Variants in ANKRD36C observed in about 807,000 individuals in gnomAD.
ANKRD36C encodes ankyrin repeat domain 36C, also known as ankyrin repeat domain-containing protein 36C.
A neutral mutation model predicts 276.4 loss-of-function variants in ANKRD36C; 61 were observed. That is an observed-to-expected ratio of 0.22 (90% CI 0.18 to 0.27). ANKRD36C has a LOEUF of 0.27. Ranked by LOEUF, ANKRD36C falls within the 10% of genes least tolerant of loss-of-function variation. The probability of loss-of-function intolerance (pLI) is 1.00; values close to 1 mark genes in which losing one functional copy is unlikely to be tolerated. For synonymous variants in ANKRD36C, 483 were observed against 680.1 expected, an observed-to-expected ratio of 0.71 and a Z score of 4.51; for missense variants, 1,447 against 2,032.3, an observed-to-expected ratio of 0.71 and a Z score of 5.54.
intron 17 of ANKRD36C, among the ~76,000 whole-genome samples, chr2:95,947,935 A>T (rs939876041): frequency 2.6e-5 from 4 of 152,168 alleles, no homozygotes; most frequent in Non-Finnish European, 5.9e-5. Flanking sequence ...CTACAGGCAC[A>T]TGATACCATG....
chr2:95,957,073 T>C (rs1373708716), intron 12 of ANKRD36C, among the ~76,000 whole-genome samples: 1 of 151,882 alleles, frequency 6.6e-6, no homozygotes, highest in East Asian at 1.9e-4. Flanking sequence ...CCCAGCACTT[T>C]GTGAGGCTGA....
At chr2:95,912,356 T>C (rs745571467) in intron 41 of ANKRD36C, 40 bp from the exon 44 acceptor site, 10 of 1,602,298 alleles carry the variant, frequency 6.2e-6, no homozygotes, top group Middle Eastern at 2.3e-4. Context: ...TAAGGTATGT[T>C]TCATAGGCTT....
chr2:95,981,204 G>C (rs867193881), intron 4 of ANKRD36C, among the ~76,000 whole-genome samples: 8 of 151,674 alleles, frequency 5.3e-5, no homozygotes, highest in Non-Finnish European at 1.0e-4. Flanking sequence ...AATGCTAATA[G>C]TAGTAGTCGT....
At chr2:95,914,054 G>C in intron 40 of ANKRD36C, 54 bp downstream of exon 42, 1 of 1,489,272 alleles carries the variant, frequency 6.7e-7, no homozygotes. Context: ...TCAGGGAAGA[G>C]AATTTCTTAT....
intron 54 of ANKRD36C, among the ~76,000 whole-genome samples, chr2:95,883,721 CT>C (rs1421904010): frequency 1.3e-5 from 2 of 152,010 alleles, no homozygotes; most frequent in Non-Finnish European, 2.9e-5. Flanking sequence ...ATCCCTCTTC[CT>C]TGAGGAAAGT....
Position 95,918,627 on chromosome 2 carries a change from T to A in ANKRD36C, c.2246-585A>T, listed in dbSNP as rs188971053. Reference sequence around the variant, plus strand: ...TAATATTCATTATCTCTCACACCCATGTGGTGTAATAATTTGCCTAAGTTT... The same window carrying A: ...TAATATTCATTATCTCTCACACCCAAGTGGTGTAATAATTTGCCTAAGTTT... On this transcript the variant is annotated intron_variant, in intron 34 of 66. Coordinates refer to ENST00000456556, the Ensembl canonical transcript of ANKRD36C. Among the ~76,000 whole-genome samples, 577 of 151,808 alleles carry A rather than the reference T, an allele frequency of 3.8e-3. 26 individuals are homozygous for A. Among genetic ancestry groups the A allele is most frequent in the Admixed American group, 0.034 (523 of 15,250 alleles).
chr2:95,890,083 C>T, intron 46 of ANKRD36C, 89 bp from the exon 67 acceptor site: 2 of 1,491,222 alleles, frequency 1.3e-6, no homozygotes, highest in South Asian at 2.3e-5. Flanking sequence ...CAATCTCTGT[C>T]CTCCTGCCTG....
intron 24 of ANKRD36C, among the ~76,000 whole-genome samples, chr2:95,929,660 A>G (rs867885951): frequency 6.6e-5 from 10 of 151,676 alleles, no homozygotes; most frequent in African/African-American, 1.9e-4. Context: ...TTCATGCAAG[A>G]TATCAGTATG....
exon 42 of ANKRD36C, chr2:95,912,310 T>A: frequency 6.3e-7 from 1 of 1,582,124 alleles, no homozygotes; most frequent in Non-Finnish European, 8.6e-7. Flanking sequence ...TTCTCATCAC[T>A]TGTAGCCTGA....
chr2:95,857,274 G>A (rs767560605), intron 62 of ANKRD36C, 35 bp downstream of exon 82: 15 of 1,580,100 alleles, frequency 9.5e-6, no homozygotes, highest in Admixed American at 3.7e-5. Flanking sequence ...ATTAATAAGA[G>A]TAGAAATATG....
rs998355162 is a variant in ANKRD36C, at chr2:95,960,806, G to C, written c.902-139C>G. ...TTGATGTTTTCTACTTTGTGTATTG[G>C]GACAGGAACATGACAGAATTACACT... On this transcript the variant is annotated intron_variant, in intron 8 of 66. Transcript: ENST00000456556. 4.4e-5 allele frequency: 24 copies of C among 542,842 alleles called. No homozygotes were observed. In the African/African-American group the frequency reaches 4.5e-4, roughly 10 times the overall value. The allele number at this position is 542,842 out of a possible 1,614,324, so 33.6% of individuals were successfully genotyped here.
At chr2:95,879,685 A>T (rs1442302733) in intron 58 of ANKRD36C, among the ~76,000 whole-genome samples, 2 of 152,206 alleles carry the variant, frequency 1.3e-5, no homozygotes, top group East Asian at 3.8e-4. Context: ...ATTGACCAGA[A>T]CCAATAAAAG....
chr2:95,892,889 T>C (rs543804314), intron 44 of ANKRD36C, among the ~76,000 whole-genome samples: 5 of 151,252 alleles, frequency 3.3e-5, no homozygotes, highest in Non-Finnish European at 7.4e-5. Context: ...AGAGGAGTAA[T>C]GAGTCAGTGT....
At chr2:95,947,376 T>C (rs76017031) in intron 17 of ANKRD36C, among the ~76,000 whole-genome samples, 2 of 151,734 alleles carry the variant, frequency 1.3e-5, no homozygotes, top group South Asian at 4.1e-4. Flanking sequence ...TAACATTCCA[T>C]TTAAAAAAAG....
chr2:95,858,810 C>T (rs1286142569), intron 61 of ANKRD36C, among the ~76,000 whole-genome samples: 1 of 152,098 alleles, frequency 6.6e-6, no homozygotes, highest in East Asian at 1.9e-4. Context: ...GTAACACTTT[C>T]AGTCTATCCT....
intron 58 of ANKRD36C, among the ~76,000 whole-genome samples, chr2:95,879,332 G>A (rs1676023926): frequency 6.6e-6 from 1 of 152,050 alleles, no homozygotes; most frequent in South Asian, 2.1e-4. Context: ...AAATGAGGAT[G>A]CTTAATAAGT....
chr2:95,895,821 G>A (rs938512450), intron 44 of ANKRD36C, among the ~76,000 whole-genome samples: 2 of 150,932 alleles, frequency 1.3e-5, no homozygotes, highest in African/African-American at 2.4e-5. Context: ...GATTTGTCAT[G>A]TGTCGAAACC....
chr2:95,857,102 C>A (rs562629058), intron 62 of ANKRD36C, among the ~76,000 whole-genome samples: 79 of 152,040 alleles, frequency 5.2e-4, no homozygotes, highest in African/African-American at 1.9e-3. Flanking sequence ...TGTAGAATAG[C>A]ATTGTTTTCA....
intron 52 of ANKRD36C, among the ~76,000 whole-genome samples, chr2:95,885,645 G>A (rs1276311705): frequency 2.0e-5 from 3 of 151,714 alleles, no homozygotes; most frequent in East Asian, 1.9e-4. Context: ...CTCATTCTAC[G>A]CTGTTTTTGA....
Sources: gnomAD v4.1 joint callset for allele counts (sites outside exome capture counted in the v4.1 genomes callset) on GRCh38, gnomAD v4.1.1 for gene constraint, MANE v1.5 for transcripts, NCBI Gene and HGNC (gene_info 2026-07-23, HGNC 2026-07-21) for gene names.